Variants in CPSF2 observed in about 807,000 individuals in gnomAD.
CPSF2 encodes the protein cleavage and polyadenylation specificity factor subunit 2.
A neutral mutation model predicts 84.2 loss-of-function variants in CPSF2; 51 were observed. The ratio of observed to expected loss-of-function variants is 0.61; its 90% CI spans 0.48 to 0.77. The LOEUF (loss-of-function observed/expected upper bound fraction) is 0.77. Ranked by LOEUF, CPSF2 falls within the 30% of genes least tolerant of loss-of-function variation. The pLI is 0.00. For missense variants in CPSF2, 641 were observed against 929.4 expected (o/e 0.69, Z 4.03); for synonymous variants, 286 against 311.9 (o/e 0.92, Z 0.87).
chr14:92,147,630 A>C (rs12882472), intron 9 of CPSF2, among the ~76,000 whole-genome samples: 24,733 of 152,168 alleles, frequency 0.16, 2,260 homozygotes, highest in East Asian at 0.4. Flanking sequence ...TTTAAAAAAA[A>C]CCCACTATTT....
rs2069441630 is a variant in CPSF2 at position 92,165,937 on chromosome 14, C to T, written c.*4193C>T. ...AGTGCAGTGGCGCGGTCTCAGCTCA[C>T]TGCAACCTCTGCCTCCCAGATTAAA... On this transcript the variant is annotated 3_prime_UTR_variant, in exon 16 of 16. Coordinates refer to ENST00000298875, the MANE Select transcript of CPSF2 (RefSeq NM_017437.3). The T allele has an allele frequency of 7.1e-6, 1 of 140,906 alleles. No homozygotes were observed. The highest frequency in any genetic ancestry group is 1.5e-5 in the Non-Finnish European group (1 of 66,676). 8.7% of individuals were successfully genotyped at this position (140,906 alleles called of 1,614,324 possible). A position where few individuals can be genotyped will look rare whatever the true frequency, so the allele number is the denominator to read the frequency against.
In CPSF2 at chr14:92,169,943, A is replaced by T. The variant is rs546765759; in HGVS notation, c.*8199A>T. On this transcript the variant is annotated 3_prime_UTR_variant, in exon 16 of 16. Coordinates refer to ENST00000298875, the MANE Select transcript of CPSF2 (RefSeq NM_017437.3). ...GCTTGAGCTCAGGAGTTTGAGACCA[A>T]CCTGGGCAACATAGTGAGAACTCAT... 6.6e-6 allele frequency: 1 copy of T among 152,082 alleles called. No homozygotes were observed. Among genetic ancestry groups the T allele is most frequent in the African/African-American group, 2.4e-5 (1 of 41,368 alleles). 9.4% of individuals were successfully genotyped at this position (152,082 alleles called of 1,614,324 possible). A position where few individuals can be genotyped will look rare whatever the true frequency, so the allele number is the denominator to read the frequency against.
At chr14:92,140,731 C>T (rs939514101) in intron 7 of CPSF2, among the ~76,000 whole-genome samples, 2 of 151,744 alleles carry the variant, frequency 1.3e-5, no homozygotes, top group Admixed American at 1.3e-4. Context: ...CATGCCTGGC[C>T]GCAATCCCCA....
At position 92,138,244 on chromosome 14, in the gene CPSF2, A is replaced by C; in HGVS notation, c.558A>C (p.Gly186=). 6.3e-7 allele frequency: 1 copy of C among 1,585,610 alleles called. No homozygotes were observed. The highest frequency in any genetic ancestry group is 8.6e-7 in the Non-Finnish European group (1 of 1,161,434). Residue 186 remains glycine (G), a synonymous_variant, in exon 7 of 16, where the codon GGA becomes GGC. Transcript: ENST00000298875. ...FNHKREIHLN[G]CSLEMLSRPS... is the part of the protein sequence containing the mutation. ...AACTTTCTTATAGCCATTTAAATGG[A>C]TGTTCCCTGGAAATGCTAAGCAGGC... is the stretch of plus-strand genomic sequence containing the variant.
intron 1 of CPSF2, 139 bp from the exon 2 acceptor site, chr14:92,125,983 C>CT (rs1210646003): frequency 6.6e-6 from 1 of 152,124 alleles, no homozygotes; most frequent in Non-Finnish European, 1.5e-5. Flanking sequence ...TGACAGATCT[C>CT]TTTTTTAAAA....
Position 92,165,689 on chromosome 14 carries a change from T to A in CPSF2, c.*3945T>A, listed in dbSNP as rs903818756. 6.6e-6 allele frequency: 1 copy of A among 152,016 alleles called. No individual in the cohort carries two copies. The highest frequency in any genetic ancestry group is 2.4e-5 in the African/African-American group (1 of 41,396). 9.4% of individuals were successfully genotyped at this position (152,016 alleles called of 1,614,324 possible). A position where few individuals can be genotyped will look rare whatever the true frequency, so the allele number is the denominator to read the frequency against. ...GAGATGTAAGAGTTTTTTTATATAT[T>A]TTCTGGATACTAAACCATTATATAT... On this transcript the variant is annotated 3_prime_UTR_variant, in exon 16 of 16. Coordinates refer to ENST00000298875, the MANE Select transcript of CPSF2 (RefSeq NM_017437.3).
Position 92,138,214 on chromosome 14 carries a change from T to C in CPSF2, c.546-18T>C, listed in dbSNP as rs1246102878. ...TTGAAATGATATAAAATATTCCTCT[T>C]CTTAAACTTTCTTATAGCCATTTAA... On this transcript the variant is annotated intron_variant, in intron 6 of 15. Coordinates refer to ENST00000298875, the MANE Select transcript of CPSF2 (RefSeq NM_017437.3). The C allele has an allele frequency of 2.3e-6, 3 of 1,304,302 alleles. No individual in the cohort carries two copies. The highest frequency in any genetic ancestry group is 2.2e-6 in the Non-Finnish European group (2 of 921,706). 80.8% of individuals were successfully genotyped at this position (1,304,302 alleles called of 1,614,324 possible).
intron 7 of CPSF2, among the ~76,000 whole-genome samples, chr14:92,141,688 C>T (rs947103899): frequency 1.4e-4 from 22 of 151,900 alleles, no homozygotes; most frequent in Non-Finnish European, 2.5e-4. Flanking sequence ...AGTCCCGGGG[C>T]CAGTACCCAT....
rs71123318 is a variant in CPSF2, at chr14:92,122,853, C to CTT, written c.-94+739_-94+740dup. Among the ~76,000 whole-genome samples, 952 of 141,182 alleles carry CTT rather than the reference C, an allele frequency of 6.7e-3. 15 individuals carry two copies. The highest frequency in any genetic ancestry group is 0.053 in the Admixed American group (749 of 14,094). The allele number at this position is 141,182 out of a possible 152,430, so 92.6% of individuals were successfully genotyped here. A position where few individuals can be genotyped will look rare whatever the true frequency, so the allele number is the denominator to read the frequency against. ...CCTTTAACCCCTTTCTTTTTTCTTT[C>CTT]TTTTTTTTTTTTTTTAATAAAGACG... On this transcript the variant is annotated intron_variant, in intron 1 of 15. Transcript: ENST00000298875.
rs75938932 is a variant in CPSF2, at chr14:92,148,483, C to T, written c.1140+5189C>T. Among the ~76,000 whole-genome samples the T allele has an allele frequency of 7.5e-3, 1,141 of 152,230 alleles. 19 individuals are homozygous for T. The highest frequency in any genetic ancestry group is 0.026 in the African/African-American group (1,094 of 41,534). ...ACCCCATTCAGCATTCACCTTTTAC[C>T]GATGACCACAATGTCCTTTATAATT... is the stretch of plus-strand genomic sequence containing the variant. On this transcript the variant is annotated intron_variant, in intron 9 of 15. Coordinates refer to ENST00000298875, the MANE Select transcript of CPSF2 (RefSeq NM_017437.3).
chr14:92,155,971 T>C (rs1037627797), intron 11 of CPSF2, among the ~76,000 whole-genome samples: 4 of 151,178 alleles, frequency 2.6e-5, no homozygotes, highest in African/African-American at 9.7e-5. Context: ...AACACTACTA[T>C]CCTGTGTGGA....
At chr14:92,138,111 A>T in intron 6 of CPSF2, 121 bp from the exon 7 acceptor site, 1 of 453,064 alleles carries the variant, frequency 2.2e-6, no homozygotes, top group South Asian at 5.9e-5. Flanking sequence ...GAGCATGTCT[A>T]CTTTTATAGT....
chr14:92,161,942 G>T lies in CPSF2; in HGVS notation c.*198G>T, dbSNP rs540001493. On this transcript the variant is annotated 3_prime_UTR_variant, in exon 16 of 16. Coordinates refer to ENST00000298875, the MANE Select transcript of CPSF2 (RefSeq NM_017437.3). ...TGAGCATTCTATCTTTTGGCTTTCA[G>T]AGTGATAGAGCTCCTAACAGGTGTA... is the stretch of plus-strand genomic sequence containing the variant. 4.3e-4 allele frequency: 192 copies of T among 445,464 alleles called. No homozygotes were observed. Among genetic ancestry groups the T allele is most frequent in the African/African-American group, 3.9e-3 (187 of 48,172 alleles). The allele number at this position is 445,464 out of a possible 1,614,324, so 27.6% of individuals were successfully genotyped here.
chr14:92,134,736 T>C (rs1299865334), intron 5 of CPSF2, among the ~76,000 whole-genome samples: 2 of 152,082 alleles, frequency 1.3e-5, no homozygotes, highest in African/African-American at 4.8e-5. Flanking sequence ...GGCAGCAGAG[T>C]AGATAATGAA....
chr14:92,124,141 A>T (rs2068815813), intron 1 of CPSF2, among the ~76,000 whole-genome samples: 1 of 152,240 alleles, frequency 6.6e-6, no homozygotes, highest in South Asian at 2.1e-4. Flanking sequence ...CATTTAGTGC[A>T]CGAGTGATTG....
rs2069299603 is a variant in CPSF2 at position 92,157,038 on chromosome 14, A to C, written c.1595+407A>C. Among the ~76,000 whole-genome samples, 1 of 152,226 alleles carries C rather than the reference A, an allele frequency of 6.6e-6. No homozygotes were observed. The highest frequency in any genetic ancestry group is 1.5e-5 in the Non-Finnish European group (1 of 68,028). On this transcript the variant is annotated intron_variant, in intron 12 of 15. Coordinates refer to ENST00000298875, the MANE Select transcript of CPSF2 (RefSeq NM_017437.3). This position sits in a 1 kb window ranked among gnomAD's most constrained non-coding sequence, Gnocchi z 4.0. ...CATCTCTAAGACCCTAATGTCTGGAAAATACTGTTGTGATCTGAAGTAGTT... is the reference window on the plus strand; with the variant it reads ...CATCTCTAAGACCCTAATGTCTGGACAATACTGTTGTGATCTGAAGTAGTT...
At chr14:92,140,244 G>A (rs1490034809) in intron 7 of CPSF2, among the ~76,000 whole-genome samples, 3 of 151,802 alleles carry the variant, frequency 2.0e-5, no homozygotes, top group Non-Finnish European at 2.9e-5. Flanking sequence ...GAGCCACCGC[G>A]CCCTGCCACT....
rs60635427 is a variant in CPSF2, at chr14:92,167,630, A to T, written c.*5886A>T. The T allele has an allele frequency of 0.16, 24,724 of 152,018 alleles. 2,230 individuals are homozygous for T. The highest frequency in any genetic ancestry group is 0.4 in the East Asian group (2,051 of 5,134). 9.4% of individuals were successfully genotyped at this position (152,018 alleles called of 1,614,324 possible). A position where few individuals can be genotyped will look rare whatever the true frequency, so the allele number is the denominator to read the frequency against. On this transcript the variant is annotated 3_prime_UTR_variant, in exon 16 of 16. Transcript: ENST00000298875. Reference sequence around the variant, plus strand: ...CACTTTGCTTAGGAGTGATATGTTCAGTTTATCTTCTCTAAGAATGGCAGC... The same window carrying T: ...CACTTTGCTTAGGAGTGATATGTTCTGTTTATCTTCTCTAAGAATGGCAGC...
Position 92,157,722 on chromosome 14 carries a change from T to C in CPSF2, c.1659T>C (p.Ile553=). ...ATGGGGATTCCATTAAAAAAATCAT[T>C]AATCAGATGAAACCACGACAGTTGA... ...RSDGDSIKKI[I]NQMKPRQLII... is the part of the protein sequence containing the mutation. The change falls in exon 13 of 16, where the codon ATT becomes ATC. Residue 553 remains isoleucine (I), a synonymous_variant. Coordinates refer to ENST00000298875, the MANE Select transcript of CPSF2 (RefSeq NM_017437.3). The surrounding 1 kb of genome is among the most constrained non-coding windows in gnomAD (Gnocchi z 4.0). 6.2e-7 allele frequency: 1 copy of C among 1,614,016 alleles called. No homozygotes were observed. The highest frequency in any genetic ancestry group is 1.6e-4 in the Middle Eastern group (1 of 6,062).
Sources: gnomAD v4.1 joint callset for allele counts (sites outside exome capture counted in the v4.1 genomes callset) on GRCh38, gnomAD v4.1.1 for gene constraint, Gnocchi (gnomAD v3.1) non-coding constraint, MANE v1.5 for transcripts, NCBI Gene and HGNC (gene_info 2026-07-23, HGNC 2026-07-21) for gene names.